The following COMMD1 variants were observed in gnomAD, a reference collection of about 807,000 sequenced individuals.
COMMD1 encodes the protein COMM domain-containing protein 1.
Under a neutral mutation model 17.2 loss-of-function variants are expected in COMMD1, and 10 were observed. The observed-to-expected ratio is 0.58, with a 90% confidence interval of 0.36 to 0.99. COMMD1 has a LOEUF of 0.99. Among genes scored for constraint, COMMD1 ranks in the 50% least tolerant of loss-of-function variants. The probability of loss-of-function intolerance (pLI) is 0.01; values close to 1 mark genes in which losing one functional copy is unlikely to be tolerated. For synonymous variants in COMMD1, 97 were observed against 91.6 expected (o/e 1.06, Z -0.34); for missense variants, 270 against 231.8 (o/e 1.17, Z -1.07).
chr2:61,888,653 GA>G, upstream of COMMD1: 1 of 943,014 alleles, frequency 1.1e-6, no homozygotes, highest in Non-Finnish European at 1.5e-6. Flanking sequence ...CGGAGGCGGA[GA>G]AGGGGGCCTT....
intron 1 of COMMD1, among the ~76,000 whole-genome samples, chr2:61,962,154 G>T (rs1671357939): frequency 6.6e-6 from 1 of 152,182 alleles, no homozygotes; most frequent in East Asian, 1.9e-4. Context: ...TGATGCTGGG[G>T]TATATACCTT....
chr2:62,031,927 A>G (rs1669917697), intron 2 of COMMD1, among the ~76,000 whole-genome samples: 1 of 152,194 alleles, frequency 6.6e-6, no homozygotes, highest in Non-Finnish European at 1.5e-5. Context: ...CTATCACATT[A>G]ACAATACTTA....
chr2:61,907,553 A>T (rs2105172761), intron 1 of COMMD1, among the ~76,000 whole-genome samples: 1 of 152,104 alleles, frequency 6.6e-6, no homozygotes, highest in East Asian at 1.9e-4. Context: ...ACAACAGCAC[A>T]TGTGTAGGTA....
intron 1 of COMMD1, among the ~76,000 whole-genome samples, chr2:61,975,118 C>CTTTTTTTTTTTTTTCTTTTT (rs1671760636): frequency 1.2e-5 from 1 of 80,166 alleles, no homozygotes; most frequent in Non-Finnish European, 2.4e-5. Context: ...TCATTTCTTT[C>CTTTTTTTTTTTTTTCTTTTT]TTTTTTTTTT....
intron 1 of COMMD1, among the ~76,000 whole-genome samples, chr2:61,933,265 G>A (rs1414134227): frequency 1.3e-5 from 2 of 151,892 alleles, no homozygotes; most frequent in African/African-American, 4.8e-5. Context: ...ACATTGCTCA[G>A]CTGCTTGTAT....
chr2:62,034,629 C>T (rs917928289), intron 2 of COMMD1, among the ~76,000 whole-genome samples: 3 of 152,186 alleles, frequency 2.0e-5, no homozygotes, highest in Non-Finnish European at 4.4e-5. Flanking sequence ...AGGCTCAACT[C>T]ATCATTTTGT....
intron 2 of COMMD1, among the ~76,000 whole-genome samples, chr2:62,104,781 A>G (rs766491185): frequency 6.6e-6 from 1 of 152,196 alleles, no homozygotes; most frequent in Non-Finnish European, 1.5e-5. Context: ...AGATAAAACT[A>G]TAAACAAAAC....
chr2:62,122,443 TC>T (rs1553394222), intron 2 of COMMD1, among the ~76,000 whole-genome samples: 1 of 141,098 alleles, frequency 7.1e-6, no homozygotes. Context: ...TTCTTTCTTT[TC>T]TTTTTTTTTT....
At chr2:62,085,221 AT>A (rs36006181) in intron 2 of COMMD1, among the ~76,000 whole-genome samples, 97 of 144,244 alleles carry the variant, frequency 6.7e-4, no homozygotes, top group Non-Finnish European at 6.9e-4. Flanking sequence ...TACAGTTTGA[AT>A]TTTTTTTTTT....
intron 2 of COMMD1, among the ~76,000 whole-genome samples, chr2:62,121,372 A>C (rs1672740214): frequency 3.7e-5 from 1 of 26,980 alleles, no homozygotes; most frequent in African/African-American, 1.7e-4. Flanking sequence ...ACTCTTTCTC[A>C]AAAAAAAAAA....
chr2:61,917,164 G>A (rs1670072167), intron 1 of COMMD1, among the ~76,000 whole-genome samples: 1 of 151,970 alleles, frequency 6.6e-6, no homozygotes, highest in Non-Finnish European at 1.5e-5. Context: ...GACCAGCCTG[G>A]CCAACATGAT....
intron 2 of COMMD1, among the ~76,000 whole-genome samples, chr2:62,026,989 C>A (rs540372088): frequency 7.2e-5 from 11 of 152,026 alleles, no homozygotes; most frequent in African/African-American, 2.7e-4. Flanking sequence ...TCTTTTGCTA[C>A]TTATTTTGAT....
intron 2 of COMMD1, among the ~76,000 whole-genome samples, chr2:62,128,341 A>C: frequency 6.6e-6 from 1 of 151,886 alleles, no homozygotes; most frequent in African/African-American, 2.4e-5. Flanking sequence ...AAAAGAAAAA[A>C]AAAAAACAAA....
intron 2 of COMMD1, among the ~76,000 whole-genome samples, chr2:62,094,456 T>G (rs1671942331): frequency 6.6e-6 from 1 of 152,174 alleles, no homozygotes; most frequent in Admixed American, 6.5e-5. Flanking sequence ...AATAACCAGT[T>G]GGTCTGTGAT....
chr2:62,106,792 A>T (rs1672334923), intron 2 of COMMD1, among the ~76,000 whole-genome samples: 1 of 152,218 alleles, frequency 6.6e-6, no homozygotes, highest in African/African-American at 2.4e-5. Context: ...AAAGAAAAAA[A>T]TTGGTAAGCA....
rs1196122058 is a variant in COMMD1, at chr2:62,123,572, A to AAAGG, written c.463-12250_463-12247dup. Among the ~76,000 whole-genome samples, 3 of 151,406 alleles carry AAAGG rather than the reference A, an allele frequency of 2.0e-5. No individual in the cohort carries two copies. The East Asian group carries it at 5.8e-4, about 29-fold the overall frequency. On this transcript the variant is annotated intron_variant, in intron 2 of 2. Coordinates refer to ENST00000311832, the MANE Select transcript of COMMD1 (RefSeq NM_152516.4). ...AGGAAGGAAAGAAGGAAGGAAGGAG[A>AAAGG]AAGGAAGGAAGGCATGGAGGGTATG...
intron 1 of COMMD1, among the ~76,000 whole-genome samples, chr2:61,900,049 T>A (rs1392674692): frequency 6.6e-6 from 1 of 152,206 alleles, no homozygotes; most frequent in Non-Finnish European, 1.5e-5. Flanking sequence ...CAGGAGTTCT[T>A]AGTCATGTTA....
intron 1 of COMMD1, among the ~76,000 whole-genome samples, chr2:61,899,242 G>A (rs1669610550): frequency 6.6e-6 from 1 of 152,144 alleles, no homozygotes; most frequent in Admixed American, 6.5e-5. Context: ...TATGGAAGAT[G>A]TCCTCCCTTT....
chr2:62,117,798 T>G (rs1327837620), intron 2 of COMMD1, among the ~76,000 whole-genome samples: 1 of 152,212 alleles, frequency 6.6e-6, no homozygotes, highest in South Asian at 2.1e-4. Context: ...CTCTCCTACT[T>G]CTGTCTTCCA....
Sources: allele counts gnomAD v4.1 joint callset (sites outside exome capture counted in the v4.1 genomes callset), GRCh38; gene constraint gnomAD v4.1.1; transcripts MANE v1.5; gene names NCBI Gene and HGNC (gene_info 2026-07-23, HGNC 2026-07-21).